CFAP61: variants seen among roughly 807,000 people sequenced by gnomAD.
The protein encoded by CFAP61 is cilia- and flagella-associated protein 61.
In CFAP61, 107 loss-of-function variants were observed where a neutral mutation model predicts 135.6. That is an observed-to-expected ratio of 0.79 (90% CI 0.67 to 0.93). The LOEUF (loss-of-function observed/expected upper bound fraction) is 0.93. Among genes scored for constraint, CFAP61 ranks in the 40% least tolerant of loss-of-function variants. The pLI is 0.00. For synonymous variants in CFAP61, 575 were observed against 578.5 expected (o/e 0.99, Z 0.09); for missense variants, 1,507 against 1,556.2 (o/e 0.97, Z 0.53).
At chr20:20,188,361 G>A (rs990926246) in intron 14 of CFAP61, among the ~76,000 whole-genome samples, 3 of 152,270 alleles carry the variant, frequency 2.0e-5, no homozygotes, top group Middle Eastern at 3.4e-3. Context: ...CTTTGGGATA[G>A]GTAGATACAG....
In CFAP61 at chr20:20,154,709, C is replaced by T. The variant is rs151044396; in HGVS notation, c.952-4661C>T. ...AACAAACAAAAAACCTAGGAATATACTTAACCAAGAAGGTGAAAGACCTCT... is the reference window on the plus strand; with the variant it reads ...AACAAACAAAAAACCTAGGAATATATTTAACCAAGAAGGTGAAAGACCTCT... On this transcript the variant is annotated intron_variant, in intron 9 of 26. Transcript: ENST00000245957. 2.6e-5 allele frequency among the ~76,000 whole-genome samples: 4 copies of T among 151,990 alleles called. No homozygotes were observed. The East Asian group carries it at 7.7e-4, about 29-fold the overall frequency.
chr20:20,225,120 A>C (rs1279693776), intron 17 of CFAP61, among the ~76,000 whole-genome samples: 2 of 152,150 alleles, frequency 1.3e-5, no homozygotes, highest in South Asian at 2.1e-4. Flanking sequence ...GCTTTCATTA[A>C]AAAATAACCT....
chr20:20,126,807 T>C (rs2050100755), intron 8 of CFAP61, among the ~76,000 whole-genome samples: 1 of 151,932 alleles, frequency 6.6e-6, no homozygotes, highest in Non-Finnish European at 1.5e-5. Flanking sequence ...CCCCCAAATA[T>C]GTTTTCCAAA....
chr20:20,164,027 C>G (rs1298269035), intron 10 of CFAP61, 23 bp from the exon 11 acceptor site: 1 of 1,573,308 alleles, frequency 6.4e-7, no homozygotes, highest in Admixed American at 1.8e-5. Flanking sequence ...TTCTCATTGG[C>G]TCCTCCTGTC....
intron 25 of CFAP61, among the ~76,000 whole-genome samples, chr20:20,336,823 C>T (rs568972998): frequency 1.4e-4 from 22 of 152,236 alleles, no homozygotes; most frequent in Non-Finnish European, 2.5e-4. Context: ...ACTCCAGCCC[C>T]CACCTCCCCA....
At chr20:20,282,925 C>A (rs1187771353) in intron 22 of CFAP61, among the ~76,000 whole-genome samples, 5 of 131,294 alleles carry the variant, frequency 3.8e-5, no homozygotes, top group Non-Finnish European at 6.3e-5. Context: ...GGCGACAGAG[C>A]AAGACCCTGT....
In CFAP61 at chr20:20,341,870, T is replaced by C. The variant is rs773538167; in HGVS notation, c.3462T>C (p.Asp1154=). 113 of 1,613,638 alleles carry C rather than the reference T, an allele frequency of 7.0e-5. No individual in the cohort carries two copies. The highest frequency in any genetic ancestry group is 9.2e-5 in the Non-Finnish European group (108 of 1,180,016). ...CGTGGTGCCTGGCCCTGTTCCACGA[T>C]CGTTTTATTGATCTCAGGAAAGAGT... ...TEPWCLALFH[D]RFIDLRKELR... The change falls in exon 26 of 27, where the codon GAT becomes GAC. Residue 1154 remains aspartate (D), a synonymous_variant. Coordinates refer to ENST00000245957, the MANE Select transcript of CFAP61 (RefSeq NM_015585.4).
intron 6 of CFAP61, among the ~76,000 whole-genome samples, chr20:20,087,312 A>G (rs563067527): frequency 1.3e-5 from 2 of 152,168 alleles, no homozygotes; most frequent in East Asian, 1.9e-4. Context: ...AGAAGTCCCC[A>G]GTGTCTATCG....
intron 17 of CFAP61, among the ~76,000 whole-genome samples, chr20:20,210,831 C>T (rs1396646843): frequency 1.3e-5 from 2 of 152,098 alleles, no homozygotes; most frequent in Non-Finnish European, 2.9e-5. Context: ...TCTAGTTTTA[C>T]AAATGGGATA....
chr20:20,200,346 A>C (rs2081196383), intron 17 of CFAP61, among the ~76,000 whole-genome samples: 1 of 152,062 alleles, frequency 6.6e-6, no homozygotes, highest in Non-Finnish European at 1.5e-5. Context: ...CCCGGGTCCT[A>C]AGCTGGTTTG....
chr20:20,064,032 A>ACCCACCCCCCCCC (rs373522191), intron 2 of CFAP61, among the ~76,000 whole-genome samples: 1 of 113,222 alleles, frequency 8.8e-6, no homozygotes, highest in Non-Finnish European at 2.0e-5. Flanking sequence ...AAATAGAGTA[A>ACCCACCCCCCCCC]CCGCCCCCCA....
At chr20:20,314,737 C>T (rs1221646006) in intron 25 of CFAP61, among the ~76,000 whole-genome samples, 1 of 127,306 alleles carries the variant, frequency 7.9e-6, no homozygotes, top group South Asian at 2.8e-4. Context: ...CTTCCTGTGT[C>T]CATGTGTTCT....
intron 2 of CFAP61, 130 bp from the exon 3 acceptor site, chr20:20,070,724 C>G (rs2045645422): frequency 1.3e-6 from 1 of 754,388 alleles, no homozygotes; most frequent in Non-Finnish European, 2.1e-6. Flanking sequence ...ATCATTCTCA[C>G]CTTTTCCAAA....
intron 8 of CFAP61, among the ~76,000 whole-genome samples, chr20:20,140,484 G>A (rs2051301288): frequency 6.6e-6 from 1 of 151,672 alleles, no homozygotes; most frequent in African/African-American, 2.4e-5. Context: ...TGAGAATGAT[G>A]ATTTCCAATT....
At chr20:20,229,727 G>C (rs899481407) in intron 18 of CFAP61, among the ~76,000 whole-genome samples, 1 of 152,210 alleles carries the variant, frequency 6.6e-6, no homozygotes, top group Non-Finnish European at 1.5e-5. Flanking sequence ...TAGCCAGTTT[G>C]TTCAGTTCTC....
At chr20:20,171,168 T>C (rs991113012) in intron 13 of CFAP61, among the ~76,000 whole-genome samples, 1 of 152,216 alleles carries the variant, frequency 6.6e-6, no homozygotes, top group Admixed American at 6.5e-5. Flanking sequence ...CCCATTTGAT[T>C]GTTGTGAAGT....
rs776680908 is a variant in CFAP61 at position 20,298,378 on chromosome 20, T to C, written c.3414T>C (p.Asp1138=). The C allele has an allele frequency of 1.4e-5, 23 of 1,613,430 alleles. No individual in the cohort carries two copies. The highest frequency in any genetic ancestry group is 1.9e-5 in the Non-Finnish European group (23 of 1,179,544). ...GGTACGATGAAAACCTGATCACAGA[T>C]CTCTATAGGTGAGTTGGACATTGCA... ...CARYDENLIT[D]LYSYFTEPWC... Residue 1138 remains aspartate (D), a synonymous_variant, in exon 25 of 27, where the codon GAT becomes GAC. Coordinates refer to ENST00000245957, the MANE Select transcript of CFAP61 (RefSeq NM_015585.4).
chr20:20,188,012 A>G lies in CFAP61; in HGVS notation c.1468A>G (p.Ile490Val), dbSNP rs544197252. ...LVSTLMLNKS[I>V]LEDLDRYNKA... Reference sequence around the variant, plus strand: ...CAGCACCCTCATGTTGAATAAAAGCATATTGGAGGACTTAGACCGTTACAA... The same window carrying G: ...CAGCACCCTCATGTTGAATAAAAGCGTATTGGAGGACTTAGACCGTTACAA... The change falls in exon 14 of 27, where the codon ATA becomes GTA. Residue 490 changes from isoleucine to valine, a missense_variant. Transcript: ENST00000245957. 27 of 1,614,190 alleles carry G rather than the reference A, an allele frequency of 1.7e-5. No homozygotes were observed. The South Asian group carries it at 2.4e-4, about 14-fold the overall frequency.
Position 20,251,234 on chromosome 20 carries a change from C to T in CFAP61, c.2160-361C>T, listed in dbSNP as rs538299738. Among the ~76,000 whole-genome samples, 337 of 152,224 alleles carry T rather than the reference C, an allele frequency of 2.2e-3. 1 individual carries two copies. Among genetic ancestry groups the T allele is most frequent in the Non-Finnish European group, 3.6e-3 (242 of 68,012 alleles). On this transcript the variant is annotated intron_variant, in intron 19 of 26. Coordinates refer to ENST00000245957, the MANE Select transcript of CFAP61 (RefSeq NM_015585.4). Reference sequence around the variant, plus strand: ...ATTCCCATTGAGGCTGTGGTCAATACACCAATTTAACAGCTAAAGTAAATT... The same window carrying T: ...ATTCCCATTGAGGCTGTGGTCAATATACCAATTTAACAGCTAAAGTAAATT...
Sources: allele counts gnomAD v4.1 joint callset (sites outside exome capture counted in the v4.1 genomes callset), GRCh38; gene constraint gnomAD v4.1.1; transcripts MANE v1.5; gene names NCBI Gene and HGNC (gene_info 2026-07-23, HGNC 2026-07-21).